Variants in BNC2 observed in about 807,000 individuals in gnomAD.
The protein encoded by BNC2 is basonuclin zinc finger protein 2.
BNC2 carries 20 observed loss-of-function variants against 76.3 expected under a neutral mutation model. The observed-to-expected ratio is 0.26, with a 90% CI of 0.18 to 0.38. The LOEUF is 0.38. BNC2 is among the 10% of genes least tolerant of loss of function. BNC2 has a pLI of 1.00. For missense variants in BNC2, 1,382 were observed against 1,399.8 expected (o/e 0.99, Z 0.20); for synonymous variants, 582 against 514.8 (o/e 1.13, Z -1.77).
intron 1 of BNC2, among the ~76,000 whole-genome samples, chr9:16,776,555 G>C (rs1403481295): frequency 6.6e-6 from 1 of 152,068 alleles, no homozygotes; most frequent in Non-Finnish European, 1.5e-5. Context: ...AACAGTCCTG[G>C]ATTTAAAATA....
rs537339165 is a variant in BNC2 at position 16,748,383 on chromosome 9, C to T, written c.4-9898G>A. The stretch of plus-strand genomic sequence containing the variant: ...CAAAAATTAGTTGGGCATGGTGGTA[C>T]GTGCCAATGGTCCCAGCTACTCCAG... On this transcript the variant is annotated intron_variant, in intron 1 of 6. Coordinates refer to ENST00000380672, the MANE Select transcript of BNC2 (RefSeq NM_017637.6). Among the ~76,000 whole-genome samples, 10 of 152,078 alleles carry T rather than the reference C, an allele frequency of 6.6e-5. 1 individual carries two copies. The highest frequency in any genetic ancestry group is 1.9e-4 in the African/African-American group (8 of 41,470).
Position 16,745,740 on chromosome 9 carries a change from T to C in BNC2, c.4-7255A>G, listed in dbSNP as rs551292528. ...ATAACACTGAATTGCATTCCATTAC[T>C]TTTCCGTTTTCCTAAACCCTAGATT... On this transcript the variant is annotated intron_variant, in intron 1 of 6. Transcript: ENST00000380672. 1.7e-3 allele frequency among the ~76,000 whole-genome samples: 261 copies of C among 152,330 alleles called. 3 individuals carry two copies. The highest frequency in any genetic ancestry group is 5.7e-3 in the African/African-American group (239 of 41,586).
At chr9:16,862,826 T>A (rs959302690) in intron 1 of BNC2, among the ~76,000 whole-genome samples, 6 of 152,050 alleles carry the variant, frequency 3.9e-5, no homozygotes, top group African/African-American at 1.4e-4. Context: ...GAAAAAGGAA[T>A]GTTAAGACAC....
chr9:16,657,861 G>A (rs1400843413), intron 3 of BNC2, among the ~76,000 whole-genome samples: 2 of 152,080 alleles, frequency 1.3e-5, no homozygotes, highest in Non-Finnish European at 2.9e-5. Context: ...GGGCTACTTG[G>A]GATACATAGG....
At chr9:16,440,692 T>C (rs1337655714) in intron 5 of BNC2, among the ~76,000 whole-genome samples, 5 of 152,158 alleles carry the variant, frequency 3.3e-5, no homozygotes, top group Non-Finnish European at 5.9e-5. Flanking sequence ...TCCCATATGG[T>C]TTCTCCTGGC....
chr9:16,869,223 A>AAAAAAT (rs10657424), intron 1 of BNC2, among the ~76,000 whole-genome samples: 9 of 151,576 alleles, frequency 5.9e-5, no homozygotes, highest in Non-Finnish European at 3.0e-5. Context: ...AAGTATATAA[A>AAAAAAT]AATAAAACAG....
At chr9:16,636,211 T>C (rs961801015) in intron 3 of BNC2, among the ~76,000 whole-genome samples, 5 of 152,144 alleles carry the variant, frequency 3.3e-5, no homozygotes, top group Non-Finnish European at 7.3e-5. Flanking sequence ...GCTGAAAAAT[T>C]ATCTACAGAA....
intron 1 of BNC2, among the ~76,000 whole-genome samples, chr9:16,856,124 T>G (rs1260743688): frequency 6.6e-6 from 1 of 152,058 alleles, no homozygotes; most frequent in East Asian, 1.9e-4. Context: ...AAAATGAAAG[T>G]ACATTAATGG....
chr9:16,858,583 G>C (rs553763289), intron 1 of BNC2, among the ~76,000 whole-genome samples: 1 of 152,244 alleles, frequency 6.6e-6, no homozygotes, highest in East Asian at 1.9e-4. Flanking sequence ...GGTGGCTCAC[G>C]CCTGTAATCC....
At chr9:16,852,898 G>A (rs1417126724) in intron 1 of BNC2, among the ~76,000 whole-genome samples, 1 of 152,200 alleles carries the variant, frequency 6.6e-6, no homozygotes, top group Non-Finnish European at 1.5e-5. Flanking sequence ...AAATCAGCAA[G>A]GCTGGATTAG....
At chr9:16,558,650 G>A (rs28428651) in intron 4 of BNC2, among the ~76,000 whole-genome samples, 16,305 of 152,096 alleles carry the variant, frequency 0.11, 1,421 homozygotes, top group African/African-American at 0.23. Context: ...TAATTTCAAC[G>A]TCAGGTGCGG....
intron 4 of BNC2, among the ~76,000 whole-genome samples, chr9:16,576,360 T>G (rs1399178659): frequency 6.6e-6 from 1 of 152,204 alleles, no homozygotes; most frequent in African/African-American, 2.4e-5. Context: ...AGAAATGTCA[T>G]GCTTTATTCT....
chr9:16,615,956 T>C (rs1820684311), intron 3 of BNC2, among the ~76,000 whole-genome samples: 1 of 152,342 alleles, frequency 6.6e-6, no homozygotes, highest in Admixed American at 6.5e-5. Flanking sequence ...AGCTGGTCAA[T>C]GGAAAAAGTG....
At chr9:16,558,514 C>T (rs911066899) in intron 4 of BNC2, among the ~76,000 whole-genome samples, 1 of 152,312 alleles carries the variant, frequency 6.6e-6, no homozygotes, top group Non-Finnish European at 1.5e-5. Flanking sequence ...CCTTGTCCCT[C>T]CACTACCTCT....
At chr9:16,547,230 C>T (rs1170985772) in intron 5 of BNC2, among the ~76,000 whole-genome samples, 1 of 152,220 alleles carries the variant, frequency 6.6e-6, no homozygotes, top group Non-Finnish European at 1.5e-5. Flanking sequence ...CACATGGATA[C>T]CATAAAACAC....
chr9:16,838,933 G>C (rs73649048), intron 1 of BNC2, among the ~76,000 whole-genome samples: 3,250 of 152,262 alleles, frequency 0.021, 123 homozygotes, highest in African/African-American at 0.073. Context: ...TATTGTATTG[G>C]TCTATGTGTG....
chr9:16,559,492 G>A (rs1050867696), intron 4 of BNC2, among the ~76,000 whole-genome samples: 30 of 152,158 alleles, frequency 2.0e-4, no homozygotes, highest in Non-Finnish European at 4.4e-5. Context: ...ATCAGGTTAG[G>A]TAACTGGCCT....
intron 5 of BNC2, among the ~76,000 whole-genome samples, chr9:16,516,169 C>T (rs1817418651): frequency 6.6e-6 from 1 of 152,140 alleles, no homozygotes; most frequent in Non-Finnish European, 1.5e-5. Context: ...CTTCCAGCCC[C>T]AGGCCGCAGG....
rs374541304 is a variant in BNC2 at position 16,414,605 on chromosome 9, G to A, written c.*4384C>T. The A allele has an allele frequency of 3.9e-5, 6 of 152,374 alleles. No homozygotes were observed. In the South Asian group the frequency reaches 6.2e-4, roughly 16 times the overall value. The allele number at this position is 152,374 out of a possible 1,614,324, so 9.4% of individuals were successfully genotyped here. A position where few individuals can be genotyped will look rare whatever the true frequency, so the allele number is the denominator to read the frequency against. On this transcript the variant is annotated 3_prime_UTR_variant, in exon 7 of 7. Coordinates refer to ENST00000380672, the MANE Select transcript of BNC2 (RefSeq NM_017637.6). ...GATGATTTGTTTCTTGATGATAGCA[G>A]ATGTAGCGTGTCTTATGACAGGTGA... is the stretch of plus-strand genomic sequence containing the variant.
Sources: gnomAD v4.1 joint callset for allele counts (sites outside exome capture counted in the v4.1 genomes callset) on GRCh38, gnomAD v4.1.1 for gene constraint, MANE v1.5 for transcripts, NCBI Gene and HGNC (gene_info 2026-07-23, HGNC 2026-07-21) for gene names.